MACF1: variants seen among roughly 807,000 people sequenced by gnomAD.
The protein encoded by MACF1 is microtubule-actin cross-linking factor 1.
A neutral mutation model predicts 854.8 loss-of-function variants in MACF1; 193 were observed. The observed-to-expected ratio is 0.23, with a 90% confidence interval of 0.20 to 0.25. The LOEUF is 0.25. Among genes scored for constraint, MACF1 ranks in the 10% least tolerant of loss-of-function variants. MACF1 has a pLI of 1.00. For missense variants in MACF1, 7,722 were observed against 8,929.1 expected (o/e 0.86, Z 5.45); for synonymous variants, 3,185 against 3,226.7 (o/e 0.99, Z 0.44).
chr1:39,172,450 C>A (rs990000601), intron 2 of MACF1, among the ~76,000 whole-genome samples: 1 of 152,202 alleles, frequency 6.6e-6, no homozygotes, highest in Non-Finnish European at 1.5e-5. Flanking sequence ...CTGGGCCTTT[C>A]ATACCTGCCT....
In MACF1 at chr1:39,378,441, C is replaced by T. The variant is rs775638215; in HGVS notation, c.13214-20C>T. 1 of 1,609,486 alleles carries T rather than the reference C, an allele frequency of 6.2e-7. No individual in the cohort carries two copies. The highest frequency in any genetic ancestry group is 1.1e-5 in the South Asian group (1 of 90,944). ...AACACGTTGGTCTTGCCCTGTTTGT[C>T]TCCCTGTCCTTCTGCTCAGGTTCCA... On this transcript the variant is annotated intron_variant, in intron 52 of 100. Coordinates refer to ENST00000564288, the MANE Select transcript of MACF1 (RefSeq NM_001394062.1).
rs7519618 is a variant in MACF1, at chr1:39,396,547, T to C, written c.15816+7889T>C. Among the ~76,000 whole-genome samples the C allele has an allele frequency of 8.7e-3, 1,328 of 152,236 alleles. 22 individuals are homozygous for C. The highest frequency in any genetic ancestry group is 0.03 in the African/African-American group (1,255 of 41,538). ...TCGTTTAGTAGTTGATTAGTAAACA[T>C]GGTTAAGATAAGCACAGACTTGCAG... On this transcript the variant is annotated intron_variant, in intron 58 of 100. Transcript: ENST00000564288.
intron 78 of MACF1, 96 bp from the exon 79 acceptor site, chr1:39,443,350 C>T: frequency 7.3e-7 from 1 of 1,368,158 alleles, no homozygotes; most frequent in Non-Finnish European, 9.8e-7. Context: ...GCCGAAAATT[C>T]CTTCCTCAAG....
chr1:39,100,913 C>G (rs936885188), intron 2 of MACF1, among the ~76,000 whole-genome samples: 3 of 129,060 alleles, frequency 2.3e-5, no homozygotes, highest in Non-Finnish European at 5.4e-5. Flanking sequence ...AATGCACGCG[C>G]GCGTGTGTGT....
At position 39,310,861 on chromosome 1, in the gene MACF1, A is replaced by G. The variant is rs1277403573; in HGVS notation, c.3131A>G (p.Tyr1044Cys). 3 of 1,613,406 alleles carry G rather than the reference A, an allele frequency of 1.9e-6. No individual in the cohort carries two copies. Among genetic ancestry groups the G allele is most frequent in the African/African-American group, 2.7e-5 (2 of 74,900 alleles). The change falls in exon 26 of 101, where the codon TAC becomes TGC. Residue 1044 changes from tyrosine to cysteine, a missense_variant. Physicochemically the swap from Tyr to Cys is radical, Grantham distance 194. Coordinates refer to ENST00000564288, the MANE Select transcript of MACF1 (RefSeq NM_001394062.1). ...EDKEETVAKM[Y>C]ISELKNIRLR... ...AAAGAGGAGACTGTGGCCAAGATGT[A>G]CATTTCAGAGTTGAAGAACATCCGG... is the stretch of plus-strand genomic sequence containing the variant.
chr1:39,101,094 C>T (rs141752713), intron 2 of MACF1, among the ~76,000 whole-genome samples: 33,734 of 150,416 alleles, frequency 0.22, 3,901 homozygotes, highest in East Asian at 0.34. Flanking sequence ...CGGTGGCTCA[C>T]GCCTGTAATC....
rs1292194687 is a variant in MACF1, at chr1:39,287,537, T to C, written c.1760T>C (p.Leu587Pro). The stretch of plus-strand genomic sequence containing the variant: ...GGCAATCTCCGATTTGTGTATGAAC[T>C]ACTGTCTTGGGTAGAAGAGATGCAG... The part of the protein sequence containing the change: ...DEGNLRFVYE[L>P]LSWVEEMQMK... The change falls in exon 15 of 101, where the codon CTA becomes CCA. Residue 587 changes from leucine to proline, a missense_variant. Around this residue, in one of 15 missense-constraint regions of MACF1, gnomAD observed 1,137 missense variants for 1,263.0 expected, o/e 0.90. Coordinates refer to ENST00000564288, the MANE Select transcript of MACF1 (RefSeq NM_001394062.1). The C allele has an allele frequency of 1.2e-6, 2 of 1,614,254 alleles. No homozygotes were observed. Among genetic ancestry groups the C allele is most frequent in the Non-Finnish European group, 1.7e-6 (2 of 1,180,050 alleles).
At chr1:39,346,092 G>A (rs1299581442) in intron 40 of MACF1, among the ~76,000 whole-genome samples, 3 of 149,110 alleles carry the variant, frequency 2.0e-5, no homozygotes, top group Admixed American at 2.0e-4. Context: ...GGCCAGGCAT[G>A]GTGGCTCACG....
intron 33 of MACF1, among the ~76,000 whole-genome samples, chr1:39,323,459 TATATA>T (rs1479278583): frequency 6.6e-6 from 1 of 150,574 alleles, no homozygotes; most frequent in Non-Finnish European, 1.5e-5. Context: ...ATTAAATTAT[TATATA>T]ATATATATTT....
chr1:39,386,347 A>G (rs1253021533), intron 57 of MACF1, among the ~76,000 whole-genome samples: 1 of 151,336 alleles, frequency 6.6e-6, no homozygotes, highest in Non-Finnish European at 1.5e-5. Flanking sequence ...TGCACCCTCA[A>G]TCTCCTGGGC....
intron 2 of MACF1, among the ~76,000 whole-genome samples, chr1:39,138,497 A>C (rs1013855089): frequency 1.3e-5 from 2 of 151,330 alleles, no homozygotes; most frequent in Non-Finnish European, 2.9e-5. Flanking sequence ...AGGTGGGAGA[A>C]TGGCGTGAAC....
Position 39,447,888 on chromosome 1 carries a change from G to A in MACF1, c.19958G>A (p.Arg6653Gln), listed in dbSNP as rs200696333. 3.7e-6 allele frequency: 6 copies of A among 1,613,940 alleles called. No individual in the cohort carries two copies. Among genetic ancestry groups the A allele is most frequent in the South Asian group, 2.2e-5 (2 of 91,048 alleles). ...RGRSLDDARKRAKQFHEAWKK... is the reference protein window; with the variant it reads ...RGRSLDDARKQAKQFHEAWKK... ...CGATCACTAGATGATGCCAGGAAGC[G>A]GGCAAAACAAGTAAGTTGGGGAAGA... The change falls in exon 82 of 101, where the codon CGG becomes CAG. Residue 6653 changes from arginine to glutamine, a missense_variant. Around this residue, in one of 15 missense-constraint regions of MACF1, gnomAD observed 729 missense variants for 900.5 expected, o/e 0.81. Transcript: ENST00000564288.
At chr1:39,451,949 C>G (rs1163636417) in intron 85 of MACF1, among the ~76,000 whole-genome samples, 1 of 152,104 alleles carries the variant, frequency 6.6e-6, no homozygotes, top group Non-Finnish European at 1.5e-5. Context: ...CTCAAGCAGT[C>G]CTCTCATCTC....
chr1:39,170,070 C>T (rs149786568), intron 2 of MACF1, among the ~76,000 whole-genome samples: 1,914 of 152,054 alleles, frequency 0.013, 19 homozygotes, highest in African/African-American at 0.02. Flanking sequence ...CGTGAGCCAC[C>T]GTGCCCAGCC....
chr1:39,331,587 G>A lies in MACF1; in HGVS notation c.4999G>A (p.Glu1667Lys). 1.2e-6 allele frequency: 2 copies of A among 1,614,178 alleles called. No homozygotes were observed. The highest frequency in any genetic ancestry group is 1.7e-6 in the Non-Finnish European group (2 of 1,180,026). Residue 1667 changes from glutamate (E) to lysine (K), a missense_variant, in exon 37 of 101, where the codon GAG (glutamate) becomes AAG (lysine). By Grantham distance (56) the Glu-to-Lys change is moderately conservative. This residue lies in a region of MACF1 where 1,531 missense variants were observed against 1,601.6 expected (regional missense o/e 0.96). Coordinates refer to ENST00000564288, the MANE Select transcript of MACF1 (RefSeq NM_001394062.1). Reference protein sequence around the residue: ...ATGGFSLSPSENCINLEEAFH... With the variant: ...ATGGFSLSPSKNCINLEEAFH... ...TGGAGGTTTCAGTCTTTCCCCTAGTGAGAACTGTATTAACCTGGAAGAGGC... is the reference window on the plus strand; with the variant it reads ...TGGAGGTTTCAGTCTTTCCCCTAGTAAGAACTGTATTAACCTGGAAGAGGC...
intron 2 of MACF1, among the ~76,000 whole-genome samples, chr1:39,234,818 C>T (rs1472061639): frequency 3.0e-5 from 3 of 99,608 alleles, no homozygotes; most frequent in Non-Finnish European, 4.6e-5. Flanking sequence ...TGCTCCTCAC[C>T]TCCCAGACGG....
chr1:39,249,865 A>G (rs1173425397), intron 2 of MACF1, 149 bp from the exon 3 acceptor site: 9 of 516,866 alleles, frequency 1.7e-5, no homozygotes, highest in Non-Finnish European at 2.4e-5. Flanking sequence ...TTTTATTCCA[A>G]TCTGAAACTT....
intron 74 of MACF1, 56 bp from the exon 75 acceptor site, chr1:39,441,896 A>C (rs1202503609): frequency 3.1e-5 from 41 of 1,314,666 alleles, no homozygotes; most frequent in Non-Finnish European, 4.4e-5. Context: ...GATAATGCTA[A>C]TTCTCTCCCA....
At chr1:39,413,943 G>A (rs1433955772) in intron 58 of MACF1, 5 of 1,604,516 alleles carry the variant, frequency 3.1e-6, no homozygotes, top group East Asian at 4.5e-5. Context: ...CCACCTCTGA[G>A]GAGCCTGCCT....
Sources: allele counts gnomAD v4.1 joint callset (sites outside exome capture counted in the v4.1 genomes callset), GRCh38; gene constraint gnomAD v4.1.1; regional missense constraint gnomAD v4.1.1; transcripts MANE v1.5; gene names NCBI Gene and HGNC (gene_info 2026-07-23, HGNC 2026-07-21).